MTSS1: variants seen among roughly 807,000 people sequenced by gnomAD.
The protein encoded by MTSS1 is protein MTSS 1.
MTSS1 carries 18 observed loss-of-function variants against 79.0 expected under a neutral mutation model. The ratio of observed to expected loss-of-function variants is 0.23; its 90% CI spans 0.16 to 0.34. The LOEUF is 0.34. Ranked by LOEUF, MTSS1 falls within the 10% of genes least tolerant of loss-of-function variation. The pLI, the probability that MTSS1 is intolerant of heterozygous loss-of-function variation, is 1.00. For missense variants in MTSS1, 815 were observed against 986.2 expected (o/e 0.83, Z 2.33); for synonymous variants, 341 against 368.6 (o/e 0.93, Z 0.86).
Position 124,683,237 on chromosome 8 carries a change from A to C in MTSS1, c.208+16289T>G, listed in dbSNP as rs150756567. Among the ~76,000 whole-genome samples, 131 of 152,348 alleles carry C rather than the reference A, an allele frequency of 8.6e-4. No individual in the cohort carries two copies. Among genetic ancestry groups the C allele is most frequent in the African/African-American group, 3.1e-3 (127 of 41,590 alleles). ...AATGTTTAACATGTGGTTAAAAAGGAAGCAGCCCACAATTTTAAAAAAATG... is the reference window on the plus strand; with the variant it reads ...AATGTTTAACATGTGGTTAAAAAGGCAGCAGCCCACAATTTTAAAAAAATG... On this transcript the variant is annotated intron_variant, in intron 3 of 13. Transcript: ENST00000518547. This position sits in a 1 kb window ranked among gnomAD's most constrained non-coding sequence, Gnocchi z 4.5.
intron 3 of MTSS1, among the ~76,000 whole-genome samples, chr8:124,680,533 T>A (rs1797305831): frequency 6.6e-6 from 1 of 152,210 alleles, no homozygotes. Context: ...ACAAAGGTTG[T>A]CTATGTGCCA....
intron 3 of MTSS1, among the ~76,000 whole-genome samples, chr8:124,691,679 C>A (rs978520843): frequency 1.3e-5 from 2 of 152,066 alleles, no homozygotes; most frequent in African/African-American, 4.8e-5. Context: ...CCACACCCAG[C>A]TAATTTTTGT....
At chr8:124,630,071 T>C (rs867252255) in intron 3 of MTSS1, among the ~76,000 whole-genome samples, 2 of 152,356 alleles carry the variant, frequency 1.3e-5, no homozygotes, top group Middle Eastern at 3.4e-3. Context: ...ATATAATTCA[T>C]CTTGTAAAAT....
At chr8:124,695,567 G>GAT (rs1448404652) in intron 3 of MTSS1, among the ~76,000 whole-genome samples, 1 of 152,118 alleles carries the variant, frequency 6.6e-6, no homozygotes, top group East Asian at 1.9e-4. Context: ...ACTCCAAAAG[G>GAT]ATATATACAT....
At chr8:124,666,724 T>G (rs1202118870) in intron 3 of MTSS1, among the ~76,000 whole-genome samples, 1 of 151,734 alleles carries the variant, frequency 6.6e-6, no homozygotes. Context: ...GGAGGGAGAA[T>G]GAGGAGGGGT....
chr8:124,603,167 A>G (rs1834219964), intron 3 of MTSS1, among the ~76,000 whole-genome samples: 1 of 152,214 alleles, frequency 6.6e-6, no homozygotes, highest in African/African-American at 2.4e-5. Context: ...CTGGGATTAC[A>G]GGCGTGCGCC....
intron 3 of MTSS1, among the ~76,000 whole-genome samples, chr8:124,670,753 T>A (rs1235629160): frequency 2.0e-5 from 3 of 152,120 alleles, no homozygotes; most frequent in African/African-American, 7.2e-5. Context: ...GGCTCTTAAT[T>A]ACTAAGAAAC....
At chr8:124,668,794 A>G (rs1166367887) in intron 3 of MTSS1, among the ~76,000 whole-genome samples, 1 of 152,138 alleles carries the variant, frequency 6.6e-6, no homozygotes, top group Non-Finnish European at 1.5e-5. Context: ...ACCCCAAACA[A>G]GCTTTTGCCC....
At position 124,562,898 on chromosome 8, in the gene MTSS1, C is replaced by T. The variant is rs1241324446; in HGVS notation, c.919G>A (p.Ala307Thr). The T allele has an allele frequency of 6.2e-7, 1 of 1,614,002 alleles. No individual in the cohort carries two copies. The highest frequency in any genetic ancestry group is 1.1e-5 in the South Asian group (1 of 91,056). The change falls in exon 10 of 14, where the codon GCC becomes ACC. Residue 307 changes from alanine (A) to threonine (T), a missense_variant. Ala to Thr is a moderately conservative substitution (Grantham distance 58). Around this residue, in one of 2 missense-constraint regions of MTSS1, gnomAD observed 590 missense variants for 620.8 expected, o/e 0.95. Transcript: ENST00000518547. ...GACAGCCTCACAGGAGCCTGCTGGG[C>T]CAGGTTGGAGCTGCGGTAGCGGTAA... ...SHYRYRSSNL[A>T]QQAPVRLSSV...
intron 6 of MTSS1, 78 bp from the exon 7 acceptor site, chr8:124,568,614 T>C: frequency 6.3e-7 from 1 of 1,596,682 alleles, no homozygotes; most frequent in Non-Finnish European, 8.6e-7. Context: ...CCTGGGGTCC[T>C]TGCTGGAGTC....
intron 3 of MTSS1, among the ~76,000 whole-genome samples, chr8:124,622,961 C>CA (rs1170106701): frequency 6.6e-6 from 1 of 152,122 alleles, no homozygotes; most frequent in African/African-American, 2.4e-5. Flanking sequence ...AGATGGGGCC[C>CA]AAGGCAAAGT....
chr8:124,659,226 G>A (rs533316460), intron 3 of MTSS1, among the ~76,000 whole-genome samples: 1 of 152,228 alleles, frequency 6.6e-6, no homozygotes, highest in South Asian at 2.1e-4. Context: ...CTTCTGCCCT[G>A]TTTAGAAGAA....
chr8:124,552,987 T>C lies in MTSS1; in HGVS notation c.*5A>G. The C allele has an allele frequency of 6.2e-7, 1 of 1,609,170 alleles. No homozygotes were observed. The highest frequency in any genetic ancestry group is 1.1e-5 in the South Asian group (1 of 91,028). On this transcript the variant is annotated 3_prime_UTR_variant, in exon 14 of 14. Coordinates refer to ENST00000518547, the MANE Select transcript of MTSS1 (RefSeq NM_014751.6). ...TCATTCCCCACCGGCGCATTTCTTG[T>C]GAACCTAAGAAAAGCGAGGGGCTGA...
At chr8:124,637,130 A>G (rs1246009152) in intron 3 of MTSS1, among the ~76,000 whole-genome samples, 2 of 152,230 alleles carry the variant, frequency 1.3e-5, no homozygotes, top group Admixed American at 6.5e-5. Flanking sequence ...GCCTAAGACC[A>G]CAAAAGAAGC....
At chr8:124,653,048 TA>T (rs1273334773) in intron 3 of MTSS1, among the ~76,000 whole-genome samples, 8 of 152,258 alleles carry the variant, frequency 5.3e-5, no homozygotes. Flanking sequence ...ACTGATGATT[TA>T]AATCCCAAAC....
At chr8:124,558,026 G>C in intron 10 of MTSS1, 151 bp from the exon 11 acceptor site, 1 of 627,758 alleles carries the variant, frequency 1.6e-6, no homozygotes, top group Non-Finnish European at 2.7e-6. Context: ...GCTCACGGAT[G>C]ATCTGTGATG....
At chr8:124,684,654 AC>A (rs1826665749) in intron 3 of MTSS1, among the ~76,000 whole-genome samples, 1 of 136,824 alleles carries the variant, frequency 7.3e-6, no homozygotes, top group African/African-American at 2.5e-5. Flanking sequence ...CCAGACAGAT[AC>A]CACCGGGTTC....
intron 3 of MTSS1, among the ~76,000 whole-genome samples, chr8:124,619,947 C>G (rs1378858363): frequency 1.3e-5 from 2 of 151,896 alleles, no homozygotes; most frequent in Non-Finnish European, 2.9e-5. Context: ...CTTTTCTTTT[C>G]TTTTCTTTTC....
intron 3 of MTSS1, among the ~76,000 whole-genome samples, chr8:124,613,873 A>G (rs1836331600): frequency 6.6e-6 from 1 of 152,188 alleles, no homozygotes; most frequent in Admixed American, 6.6e-5. Flanking sequence ...GCAAGGTTTA[A>G]AAGTTAGGGA....
Sources: allele counts gnomAD v4.1 joint callset (sites outside exome capture counted in the v4.1 genomes callset), GRCh38; gene constraint gnomAD v4.1.1; regional missense constraint gnomAD v4.1.1; non-coding constraint Gnocchi (gnomAD v3.1); transcripts MANE v1.5; gene names NCBI Gene and HGNC (gene_info 2026-07-23, HGNC 2026-07-21).